KAZN: variants seen among roughly 807,000 people sequenced by gnomAD.
KAZN encodes kazrin, periplakin interacting protein.
KAZN carries 40 observed loss-of-function variants against 87.4 expected under a neutral mutation model. That is an observed-to-expected ratio of 0.46 (90% CI 0.36 to 0.60). The LOEUF (loss-of-function observed/expected upper bound fraction) is 0.60. Ranked by LOEUF, KAZN falls within the 20% of genes least tolerant of loss-of-function variation. The pLI, the probability that KAZN is intolerant of heterozygous loss-of-function variation, is 0.00. For missense variants in KAZN, 898 were observed against 1,073.9 expected (o/e 0.84, Z 2.29); for synonymous variants, 466 against 458.3 (o/e 1.02, Z -0.22).
chr1:14,047,712 A>C (rs186502512), intron 1 of KAZN, among the ~76,000 whole-genome samples: 6 of 152,222 alleles, frequency 3.9e-5, no homozygotes, highest in Non-Finnish European at 7.4e-5. Context: ...TACTAAAAAT[A>C]CAAAAATTAG....
chr1:15,019,653 T>C (rs975165936), intron 2 of KAZN, among the ~76,000 whole-genome samples: 2 of 152,166 alleles, frequency 1.3e-5, no homozygotes, highest in African/African-American at 4.8e-5. Flanking sequence ...CCTCCCAAAG[T>C]GCTGGGATTA....
At chr1:14,929,148 C>T (rs1436837694) in intron 1 of KAZN, among the ~76,000 whole-genome samples, 1 of 152,236 alleles carries the variant, frequency 6.6e-6, no homozygotes, top group South Asian at 2.1e-4. Flanking sequence ...GCATCCTTTC[C>T]CCCTGTGGGG....
chr1:14,523,450 C>G (rs1158208216), intron 2 of KAZN, among the ~76,000 whole-genome samples: 1 of 152,172 alleles, frequency 6.6e-6, no homozygotes, highest in East Asian at 1.9e-4. Flanking sequence ...CTACCAGAGA[C>G]ATGGAAAGGG....
At chr1:14,535,672 A>T (rs1672467485) in intron 2 of KAZN, among the ~76,000 whole-genome samples, 2 of 151,958 alleles carry the variant, frequency 1.3e-5, no homozygotes, top group East Asian at 1.9e-4. Context: ...CTCAAAAAAA[A>T]AAAATAAAAA....
intron 1 of KAZN, among the ~76,000 whole-genome samples, chr1:14,636,385 G>T (rs1679986297): frequency 6.6e-6 from 1 of 152,186 alleles, no homozygotes; most frequent in South Asian, 2.1e-4. Context: ...AGTGTTGTCT[G>T]ACCCCCAGCT....
intron 1 of KAZN, among the ~76,000 whole-genome samples, chr1:14,147,666 C>G (rs185550528): frequency 6.6e-6 from 1 of 151,850 alleles, no homozygotes; most frequent in Admixed American, 6.6e-5. Flanking sequence ...CATGGCGGCA[C>G]GCACCTGTAG....
chr1:14,891,554 G>A (rs1244210847), intron 1 of KAZN, among the ~76,000 whole-genome samples: 3 of 152,130 alleles, frequency 2.0e-5, no homozygotes, highest in African/African-American at 7.2e-5. Context: ...CTTCCCATGT[G>A]TGTGCTGGGC....
chr1:14,780,751 G>A lies in KAZN; in HGVS notation c.227-179933G>A, dbSNP rs548389842. On this transcript the variant is annotated intron_variant, in intron 1 of 14. Transcript: ENST00000376030. ...CCATGGACACTAACAGGTGATGATC[G>A]TGTATGATTTTCCTTCTGATATTGT... is the stretch of plus-strand genomic sequence containing the variant. Among the ~76,000 whole-genome samples, 8 of 152,330 alleles carry A rather than the reference G, an allele frequency of 5.3e-5. No individual in the cohort carries two copies. In the East Asian group the frequency reaches 9.6e-4, roughly 18 times the overall value.
intron 1 of KAZN, among the ~76,000 whole-genome samples, chr1:13,987,251 T>C (rs1288583781): frequency 1.3e-5 from 2 of 152,152 alleles, no homozygotes; most frequent in Non-Finnish European, 2.9e-5. Context: ...TTGCTGCACC[T>C]ATCAACCTGT....
intron 2 of KAZN, among the ~76,000 whole-genome samples, chr1:14,392,365 G>C (rs1191515358): frequency 1.3e-5 from 2 of 152,202 alleles, no homozygotes; most frequent in Non-Finnish European, 2.9e-5. Flanking sequence ...GAGCGACTGA[G>C]TGGTGCCTTC....
In KAZN at chr1:14,735,609, C is replaced by G. The variant is rs145342016; in HGVS notation, c.226+136386C>G. Among the ~76,000 whole-genome samples the G allele has an allele frequency of 2.9e-3, 436 of 152,310 alleles. 1 individual carries two copies. The highest frequency in any genetic ancestry group is 0.01 in the African/African-American group (422 of 41,560). Reference sequence around the variant, plus strand: ...CATGGCAGCCCCCCACGCTGAGATCCATATACCCAAACATCAGCGAGGCTG... The same window carrying G: ...CATGGCAGCCCCCCACGCTGAGATCGATATACCCAAACATCAGCGAGGCTG... On this transcript the variant is annotated intron_variant, in intron 1 of 14. Coordinates refer to ENST00000376030, the MANE Select transcript of KAZN (RefSeq NM_201628.3). This position sits in a 1 kb window ranked among gnomAD's most constrained non-coding sequence, Gnocchi z 4.3.
At chr1:14,433,470 G>A (rs983141266) in intron 2 of KAZN, among the ~76,000 whole-genome samples, 2 of 152,186 alleles carry the variant, frequency 1.3e-5, no homozygotes, top group African/African-American at 4.8e-5. Context: ...GAAGCCCTGT[G>A]TGATGGTATT....
chr1:14,752,875 T>C (rs906285534), intron 1 of KAZN, among the ~76,000 whole-genome samples: 1 of 152,176 alleles, frequency 6.6e-6, no homozygotes, highest in African/African-American at 2.4e-5. Flanking sequence ...CCAGCTACCA[T>C]TGGAGACACA....
intron 2 of KAZN, among the ~76,000 whole-genome samples, chr1:14,440,756 T>C (rs958799659): frequency 1.3e-5 from 2 of 152,230 alleles, no homozygotes; most frequent in African/African-American, 4.8e-5. Flanking sequence ...ATGCCGTGCA[T>C]AGGTCACTCA....
chr1:14,968,208 A>C (rs1425415407), intron 2 of KAZN, among the ~76,000 whole-genome samples: 1 of 151,970 alleles, frequency 6.6e-6, no homozygotes, highest in Non-Finnish European at 1.5e-5. Context: ...ATCAGGCATT[A>C]GATTCTAATA....
chr1:13,922,292 A>T (rs1024206770), intron 1 of KAZN, among the ~76,000 whole-genome samples: 4 of 152,192 alleles, frequency 2.6e-5, no homozygotes, highest in Non-Finnish European at 5.9e-5. Context: ...ATACAGAAAG[A>T]TCACGTATGT....
intron 1 of KAZN, among the ~76,000 whole-genome samples, chr1:14,742,051 A>T (rs146750040): frequency 1.2e-4 from 18 of 152,314 alleles, no homozygotes; most frequent in Non-Finnish European, 2.4e-4. Context: ...ACCATCCCCA[A>T]GCAAAGATTC....
chr1:14,651,326 G>T (rs986122483), intron 1 of KAZN, among the ~76,000 whole-genome samples: 1 of 152,220 alleles, frequency 6.6e-6, no homozygotes, highest in Non-Finnish European at 1.5e-5. Flanking sequence ...GGATGGAGGG[G>T]TGAGTGGGGG....
intron 2 of KAZN, among the ~76,000 whole-genome samples, chr1:14,273,173 A>C (rs1366713065): frequency 6.6e-6 from 1 of 152,030 alleles, no homozygotes; most frequent in Non-Finnish European, 1.5e-5. Context: ...GTGTTGGCTT[A>C]TTTGTGTTGT....
Sources: gnomAD v4.1 joint callset for allele counts (sites outside exome capture counted in the v4.1 genomes callset) on GRCh38, gnomAD v4.1.1 for gene constraint, Gnocchi (gnomAD v3.1) non-coding constraint, MANE v1.5 for transcripts, NCBI Gene and HGNC (gene_info 2026-07-23, HGNC 2026-07-21) for gene names.